TLN2: variants seen among roughly 807,000 people sequenced by gnomAD.
The protein encoded by TLN2 is talin 2.
Under a neutral mutation model 294.7 loss-of-function variants are expected in TLN2, and 118 were observed. That is an observed-to-expected ratio of 0.40 (90% CI 0.34 to 0.47). TLN2 has a LOEUF of 0.47. TLN2 is among the 20% of genes least tolerant of loss of function. The pLI is 0.84. For synonymous variants in TLN2, 1,431 were observed against 1,304.5 expected (o/e 1.10, Z -2.09); for missense variants, 3,083 against 3,282.2 (o/e 0.94, Z 1.48).
chr15:62,457,368 A>T (rs927207157), intron 1 of TLN2, among the ~76,000 whole-genome samples: 1 of 152,198 alleles, frequency 6.6e-6, no homozygotes, highest in Non-Finnish European at 1.5e-5. Context: ...TCTAAACCTA[A>T]TTATCTCCCT....
chr15:62,699,436 A>G (rs1444900232), intron 16 of TLN2, among the ~76,000 whole-genome samples: 1 of 151,750 alleles, frequency 6.6e-6, no homozygotes, highest in East Asian at 1.9e-4. Context: ...CATTTGCAAC[A>G]AGATCTCAGG....
At chr15:62,839,010 A>G in intron 58 of TLN2, 29 bp downstream of exon 58, 1 of 1,606,766 alleles carries the variant, frequency 6.2e-7, no homozygotes, top group Non-Finnish European at 8.5e-7. Flanking sequence ...AATAGTATTT[A>G]CTTCCCGAGA....
At chr15:62,507,229 T>A (rs2039669622) in intron 1 of TLN2, among the ~76,000 whole-genome samples, 1 of 152,248 alleles carries the variant, frequency 6.6e-6, no homozygotes, top group Non-Finnish European at 1.5e-5. Flanking sequence ...TGTTGAAATG[T>A]CTGTTTTTAA....
intron 1 of TLN2, among the ~76,000 whole-genome samples, chr15:62,443,648 T>A (rs2035666748): frequency 6.6e-6 from 1 of 152,162 alleles, no homozygotes; most frequent in Admixed American, 6.5e-5. Flanking sequence ...CCTCCCTCAT[T>A]TTCCCTGATT....
In TLN2 at chr15:62,843,157, G is replaced by C. The variant is rs575598287; in HGVS notation, c.*2547G>C. On this transcript the variant is annotated 3_prime_UTR_variant, in exon 59 of 59. Transcript: ENST00000636159. ...GGCCCCAGGTCTGGAGCATAGAAGT[G>C]TATCTCTGTGAAGAGAGAGCCGGTG... is the stretch of plus-strand genomic sequence containing the variant. 1 of 152,178 alleles carries C rather than the reference G, an allele frequency of 6.6e-6. No homozygotes were observed. The highest frequency in any genetic ancestry group is 6.5e-5 in the Admixed American group (1 of 15,288). The allele number at this position is 152,178 out of a possible 1,614,324, so 9.4% of individuals were successfully genotyped here.
At chr15:62,832,476 C>A (rs576558589) in intron 54 of TLN2, 1 of 152,296 alleles carries the variant, frequency 6.6e-6, no homozygotes, top group African/African-American at 2.4e-5. Context: ...TGCTCCAACC[C>A]ATGAGCCTGG....
At chr15:62,817,366 G>GAT (rs1232790727) in intron 52 of TLN2, among the ~76,000 whole-genome samples, 1 of 152,048 alleles carries the variant, frequency 6.6e-6, no homozygotes, top group African/African-American at 2.4e-5. Flanking sequence ...TCTGCAGAAT[G>GAT]ATATATATAT....
At chr15:62,530,859 T>G (rs1212728073) in intron 1 of TLN2, among the ~76,000 whole-genome samples, 1 of 152,222 alleles carries the variant, frequency 6.6e-6, no homozygotes, top group Non-Finnish European at 1.5e-5. Context: ...ACTTGCTTGT[T>G]GAAGAACTGT....
intron 1 of TLN2, among the ~76,000 whole-genome samples, chr15:62,457,593 A>G (rs2036556637): frequency 6.6e-6 from 1 of 152,140 alleles, no homozygotes; most frequent in Non-Finnish European, 1.5e-5. Flanking sequence ...GAGAGTTCTT[A>G]CTGGGAGAGA....
intron 1 of TLN2, among the ~76,000 whole-genome samples, chr15:62,547,657 G>A (rs1412451655): frequency 1.3e-5 from 2 of 152,226 alleles, no homozygotes; most frequent in Non-Finnish European, 2.9e-5. Context: ...CCATTCTGGT[G>A]TTGCCCCCAG....
chr15:62,562,530 C>CATTTATTTATTTATTTATTTATTTATTT (rs34080138), intron 1 of TLN2, among the ~76,000 whole-genome samples: 7 of 150,222 alleles, frequency 4.7e-5, no homozygotes, highest in African/African-American at 1.7e-4. Flanking sequence ...ATCTCTCCTC[C>CATTTATTTATTTATTTATTTATTTATTT]ATTTATTTAT....
chr15:62,725,473 C>T (rs938642235), intron 27 of TLN2, among the ~76,000 whole-genome samples: 3 of 152,058 alleles, frequency 2.0e-5, no homozygotes, highest in Non-Finnish European at 2.9e-5. Context: ...CGGCAAAGTG[C>T]GTCCATACAG....
intron 1 of TLN2, among the ~76,000 whole-genome samples, chr15:62,482,525 C>G (rs543654554): frequency 2.6e-3 from 373 of 146,044 alleles, no homozygotes; most frequent in Middle Eastern, 0.011. Flanking sequence ...ATCGCTTGAA[C>G]TGGGGAGGCA....
chr15:62,748,464 G>C lies in TLN2; in HGVS notation c.4119+20G>C. ...CTCGAGGTAGGTCCCTGGGAAGGCT[G>C]CTGAGGACTTGAGAGAGGGAGTGTC... On this transcript the variant is annotated intron_variant, in intron 33 of 58. Transcript: ENST00000636159. The C allele has an allele frequency of 6.3e-7, 1 of 1,586,314 alleles. No individual in the cohort carries two copies. The highest frequency in any genetic ancestry group is 8.7e-7 in the Non-Finnish European group (1 of 1,155,650).
chr15:62,829,831 A>G (rs1181900904), intron 54 of TLN2: 3 of 151,968 alleles, frequency 2.0e-5, no homozygotes, highest in African/African-American at 7.3e-5. Context: ...TCTACTCTCT[A>G]TGTCCATGAG....
chr15:62,589,204 C>G lies in TLN2; in HGVS notation c.-237-483C>G, dbSNP rs536812205. Among the ~76,000 whole-genome samples the G allele has an allele frequency of 2.0e-5, 3 of 152,178 alleles. No homozygotes were observed. The East Asian group carries it at 5.8e-4, about 29-fold the overall frequency. ...ATTGGGTTTCCATGGAGCAAGTTCC[C>G]AGTGCCTTAGAGAACCAGGAGCCAC... On this transcript the variant is annotated intron_variant, in intron 1 of 58. Coordinates refer to ENST00000636159, the MANE Select transcript of TLN2 (RefSeq NM_015059.3).
chr15:62,824,089 C>T (rs2067822551), intron 54 of TLN2: 2 of 445,856 alleles, frequency 4.5e-6, no homozygotes, highest in South Asian at 3.4e-5. Context: ...CAGGAAAGAA[C>T]ACGTTAAAAT....
intron 32 of TLN2, among the ~76,000 whole-genome samples, chr15:62,746,313 C>G (rs960529674): frequency 1.3e-5 from 2 of 152,058 alleles, no homozygotes; most frequent in Admixed American, 6.5e-5. Flanking sequence ...GCTGGACTCC[C>G]CAGGAGGTAC....
chr15:62,742,264 G>T (rs142555994), intron 32 of TLN2, among the ~76,000 whole-genome samples: 1 of 152,074 alleles, frequency 6.6e-6, no homozygotes, highest in Non-Finnish European at 1.5e-5. Context: ...TGGGAGAGAT[G>T]GGAGGTGGGG....
Sources: gnomAD v4.1 joint callset for allele counts (sites outside exome capture counted in the v4.1 genomes callset) on GRCh38, gnomAD v4.1.1 for gene constraint, MANE v1.5 for transcripts, NCBI Gene and HGNC (gene_info 2026-07-23, HGNC 2026-07-21) for gene names.